The following MED13L variants were observed in gnomAD, a reference collection of about 807,000 sequenced individuals.
The protein encoded by MED13L is mediator complex subunit 13L.
A neutral mutation model predicts 220.9 loss-of-function variants in MED13L; 7 were observed. That is an observed-to-expected ratio of 0.03 (90% CI 0.02 to 0.06). The LOEUF is 0.06. Ranked by LOEUF, MED13L falls within the 10% of genes least tolerant of loss-of-function variation. The probability of loss-of-function intolerance (pLI) is 1.00; values close to 1 mark genes in which losing one functional copy is unlikely to be tolerated. For missense variants in MED13L, 1,965 were observed against 2,760.5 expected, an observed-to-expected ratio of 0.71 and a Z score of 6.46; for synonymous variants, 1,011 against 1,015.2, an observed-to-expected ratio of 1.00 and a Z score of 0.08.
chr12:116,201,597 A>G (rs1882008100), intron 2 of MED13L, among the ~76,000 whole-genome samples: 1 of 152,200 alleles, frequency 6.6e-6, no homozygotes, highest in Non-Finnish European at 1.5e-5. Context: ...AACACATGTG[A>G]AGCAAAGGAC....
chr12:116,225,673 A>C (rs1211387590), intron 2 of MED13L, among the ~76,000 whole-genome samples: 1 of 152,232 alleles, frequency 6.6e-6, no homozygotes, highest in Non-Finnish European at 1.5e-5. Flanking sequence ...AACATGCCTT[A>C]TTAAAAGTAG....
chr12:116,274,572 TA>T (rs1196126251), intron 1 of MED13L, among the ~76,000 whole-genome samples: 3 of 151,920 alleles, frequency 2.0e-5, no homozygotes, highest in East Asian at 3.9e-4. Context: ...TTGGGCAACA[TA>T]TTTTTAATAT....
rs897972270 is a variant in MED13L at position 116,232,232 on chromosome 12, C to T, written c.310+5236G>A. 1.9e-5 allele frequency: 12 copies of T among 637,568 alleles called. No individual in the cohort carries two copies. In the African/African-American group the frequency reaches 2.2e-4, roughly 12 times the overall value. The allele number at this position is 637,568 out of a possible 1,614,324, so 39.5% of individuals were successfully genotyped here. The stretch of plus-strand genomic sequence containing the variant: ...TAATAACTGCCAATCTACCCCTGCA[C>T]TGACAATAAAACCAATTCAGAAGAC... On this transcript the variant is annotated intron_variant, in intron 2 of 30. Transcript: ENST00000281928.
intron 1 of MED13L, 131 bp from the exon 2 acceptor site, chr12:116,237,836 C>A (rs1870239005): frequency 2.4e-6 from 2 of 827,450 alleles, no homozygotes; most frequent in Non-Finnish European, 4.0e-6. Flanking sequence ...AAGATTCCTC[C>A]CAGTGAAGAA....
chr12:116,067,540 A>G (rs555575824), intron 4 of MED13L, among the ~76,000 whole-genome samples: 6 of 152,286 alleles, frequency 3.9e-5, no homozygotes, highest in African/African-American at 1.4e-4. Context: ...CATCTCCCCT[A>G]TTACATTTAT....
At chr12:116,186,227 T>C (rs976597062) in intron 2 of MED13L, among the ~76,000 whole-genome samples, 1 of 152,228 alleles carries the variant, frequency 6.6e-6, no homozygotes, top group Admixed American at 6.5e-5. Flanking sequence ...TAGCATTTTA[T>C]TTAGTTGTGT....
chr12:116,032,237 G>C (rs1002712131), intron 4 of MED13L, among the ~76,000 whole-genome samples: 1 of 151,980 alleles, frequency 6.6e-6, no homozygotes, highest in African/African-American at 2.4e-5. Context: ...CTAATCAATA[G>C]CCCAAGTTTT....
intron 1 of MED13L, 153 bp downstream of exon 1, chr12:116,276,907 C>CA (rs1565964041): frequency 1.0e-6 from 1 of 1,001,834 alleles, no homozygotes; most frequent in Non-Finnish European, 1.5e-6. Context: ...AGAGACGATC[C>CA]AAAAGGGGGA....
intron 2 of MED13L, among the ~76,000 whole-genome samples, chr12:116,148,074 A>AAAAAAAAAAAAG (rs1377801971): frequency 2.0e-5 from 2 of 98,310 alleles, no homozygotes; most frequent in African/African-American, 3.9e-5. Context: ...AAAAAAAAAA[A>AAAAAAAAAAAAG]GAGGGGGGCG....
chr12:116,035,735 C>G (rs1256084014), intron 4 of MED13L, among the ~76,000 whole-genome samples: 1 of 151,946 alleles, frequency 6.6e-6, no homozygotes, highest in Non-Finnish European at 1.5e-5. Context: ...GGACCCCAAG[C>G]ACACGCCACC....
chr12:116,120,473 TCTCTCACACACA>T (rs1476993313), intron 2 of MED13L, among the ~76,000 whole-genome samples: 22 of 101,464 alleles, frequency 2.2e-4, no homozygotes, highest in South Asian at 1.1e-3. Context: ...TCTCTCTCTC[TCTCTCACACACA>T]CACACACACA....
At chr12:115,974,579 T>A (rs897679002) in intron 25 of MED13L, among the ~76,000 whole-genome samples, 5 of 152,232 alleles carry the variant, frequency 3.3e-5, no homozygotes, top group Admixed American at 6.5e-5. Context: ...CTGTTAAATT[T>A]ATGACAAAGA....
At chr12:116,099,213 A>G (rs1350768023) in intron 3 of MED13L, among the ~76,000 whole-genome samples, 1 of 152,214 alleles carries the variant, frequency 6.6e-6, no homozygotes, top group Non-Finnish European at 1.5e-5. Context: ...GAGCCAGGAC[A>G]TTTAATAATT....
At chr12:116,078,712 A>G (rs556157409) in intron 4 of MED13L, among the ~76,000 whole-genome samples, 2 of 152,330 alleles carry the variant, frequency 1.3e-5, no homozygotes, top group South Asian at 4.1e-4. Flanking sequence ...TATACCCTAC[A>G]AAGCCAAAAA....
chr12:116,061,620 T>C (rs987072160), intron 4 of MED13L, among the ~76,000 whole-genome samples: 1 of 152,308 alleles, frequency 6.6e-6, no homozygotes, highest in African/African-American at 2.4e-5. Flanking sequence ...AAATCATCCC[T>C]TCATCAATGC....
At chr12:116,015,405 C>T in intron 7 of MED13L, 131 bp from the exon 8 acceptor site, 1 of 917,366 alleles carries the variant, frequency 1.1e-6, no homozygotes, top group African/African-American at 1.6e-5. Flanking sequence ...TCCCTATCCC[C>T]TGGCAATAAC....
At position 116,148,051 on chromosome 12, in the gene MED13L, C is replaced by CAAAAAAAAAAAAAAAAAAAAAA. The variant is rs10678970; in HGVS notation, c.311-36561_311-36540dup. 3.3e-4 allele frequency among the ~76,000 whole-genome samples: 6 copies of CAAAAAAAAAAAAAAAAAAAAAA among 18,140 alleles called. 1 individual carries two copies. Among genetic ancestry groups the CAAAAAAAAAAAAAAAAAAAAAA allele is most frequent in the East Asian group, 3.9e-3 (2 of 512 alleles). The allele number at this position is 18,140 out of a possible 152,430, so 11.9% of individuals were successfully genotyped here. A position where few individuals can be genotyped will look rare whatever the true frequency, so the allele number is the denominator to read the frequency against. Reference sequence around the variant, plus strand: ...TGGGCTACAGAGCAAGACCCCATCTCAAAAAAAAAAAAAAAAAAAAAAAGA... The same window carrying CAAAAAAAAAAAAAAAAAAAAAA: ...TGGGCTACAGAGCAAGACCCCATCTCAAAAAAAAAAAAAAAAAAAAAAAAAAAAAAAAAAAAAAAAAAAAAGA... On this transcript the variant is annotated intron_variant, in intron 2 of 30. Coordinates refer to ENST00000281928, the MANE Select transcript of MED13L (RefSeq NM_015335.5).
chr12:116,138,484 G>A (rs771195937), intron 2 of MED13L, among the ~76,000 whole-genome samples: 6 of 152,142 alleles, frequency 3.9e-5, no homozygotes, highest in African/African-American at 1.2e-4. Flanking sequence ...GGGAAGCAGC[G>A]GCCAAGCTGG....
chr12:116,235,901 CG>C (rs1332107807), intron 2 of MED13L, among the ~76,000 whole-genome samples: 2 of 151,728 alleles, frequency 1.3e-5, no homozygotes, highest in Non-Finnish European at 2.9e-5. Flanking sequence ...AAAGCTAAAA[CG>C]TAAGAGATTA....
Sources: allele counts gnomAD v4.1 joint callset (sites outside exome capture counted in the v4.1 genomes callset), GRCh38; gene constraint gnomAD v4.1.1; transcripts MANE v1.5; gene names NCBI Gene and HGNC (gene_info 2026-07-23, HGNC 2026-07-21).